Variants in MAP3K5 observed in about 807,000 individuals in gnomAD.
The protein encoded by MAP3K5 is ASK-1.
MAP3K5 carries 56 observed loss-of-function variants against 158.7 expected under a neutral mutation model. The ratio of observed to expected loss-of-function variants is 0.35; its 90% CI spans 0.28 to 0.44. The LOEUF (loss-of-function observed/expected upper bound fraction) is 0.44. MAP3K5 is among the 20% of genes least tolerant of loss of function. MAP3K5 has a pLI of 1.00. For synonymous variants in MAP3K5, 579 were observed against 601.7 expected (o/e 0.96, Z 0.55); for missense variants, 1,294 against 1,674.8 (o/e 0.77, Z 3.97).
intron 13 of MAP3K5, 107 bp downstream of exon 13, chr6:136,639,436 T>C (rs1048370778): frequency 1.6e-5 from 9 of 554,724 alleles, no homozygotes; most frequent in Non-Finnish European, 2.2e-5. Flanking sequence ...AATATTTATA[T>C]AACCACATAG....
intron 26 of MAP3K5, among the ~76,000 whole-genome samples, chr6:136,567,313 A>G (rs1562510442): frequency 6.6e-6 from 1 of 152,172 alleles, no homozygotes; most frequent in East Asian, 1.9e-4. Flanking sequence ...CTTTTCAGCT[A>G]TCTACTGGAA....
rs1017316277 is a variant in MAP3K5, at chr6:136,660,424, G to GA, written c.1367-1047dup. On this transcript the variant is annotated intron_variant, in intron 8 of 29. Transcript: ENST00000359015. ...TAAAATCTAAAAAAAAGAAAAAACA[G>GA]AAAAAAAAAGGAACTAGACTGACAG... is the stretch of plus-strand genomic sequence containing the variant. Among the ~76,000 whole-genome samples the GA allele has an allele frequency of 2.7e-5, 4 of 149,822 alleles. No individual in the cohort carries two copies. The East Asian group carries it at 5.9e-4, about 22-fold the overall frequency.
chr6:136,676,365 T>G (rs1779702399), intron 7 of MAP3K5, among the ~76,000 whole-genome samples: 1 of 152,206 alleles, frequency 6.6e-6, no homozygotes, highest in African/African-American at 2.4e-5. Flanking sequence ...TGATCTAAAC[T>G]CTGATCTTGA....
chr6:136,615,509 C>T (rs766091741), intron 15 of MAP3K5, among the ~76,000 whole-genome samples: 4 of 152,098 alleles, frequency 2.6e-5, no homozygotes, highest in Non-Finnish European at 4.4e-5. Flanking sequence ...CCTGATTTTT[C>T]AGAAGGTCAG....
intron 23 of MAP3K5, among the ~76,000 whole-genome samples, chr6:136,588,524 T>G (rs1397869241): frequency 6.6e-6 from 1 of 152,240 alleles, no homozygotes; most frequent in Admixed American, 6.5e-5. Flanking sequence ...TTTTTCTTCT[T>G]CTGCTAGAAT....
At chr6:136,641,183 T>C (rs1777913633) in intron 12 of MAP3K5, among the ~76,000 whole-genome samples, 2 of 152,208 alleles carry the variant, frequency 1.3e-5, no homozygotes, top group South Asian at 4.1e-4. Context: ...CTGAAAGATA[T>C]ATAATGAGTC....
chr6:136,780,923 G>A (rs1237601192), intron 1 of MAP3K5, among the ~76,000 whole-genome samples: 2 of 152,056 alleles, frequency 1.3e-5, no homozygotes, highest in African/African-American at 4.8e-5. Flanking sequence ...ACAGATACAC[G>A]TTATACATCT....
intron 7 of MAP3K5, among the ~76,000 whole-genome samples, chr6:136,691,541 G>A (rs147126545): frequency 0.011 from 1,623 of 151,644 alleles, 26 homozygotes; most frequent in African/African-American, 0.038. Context: ...AACCCCGGAG[G>A]CAGAGGTTGC....
At chr6:136,594,984 A>G (rs1775559411) in intron 21 of MAP3K5, among the ~76,000 whole-genome samples, 1 of 152,202 alleles carries the variant, frequency 6.6e-6, no homozygotes, top group South Asian at 2.1e-4. Flanking sequence ...GCCTAAAAGG[A>G]GGCCTAATGA....
At chr6:136,643,026 G>A (rs780153711) in intron 11 of MAP3K5, among the ~76,000 whole-genome samples, 6 of 152,092 alleles carry the variant, frequency 3.9e-5, no homozygotes, top group Middle Eastern at 6.8e-3. Flanking sequence ...CTAAATAGGC[G>A]GTTCTATTTC....
chr6:136,696,111 A>C, intron 5 of MAP3K5, 54 bp from the exon 6 acceptor site: 6 of 1,027,372 alleles, frequency 5.8e-6, no homozygotes, highest in Non-Finnish European at 8.9e-6. Flanking sequence ...GAAAATTCTC[A>C]CAATAACGTG....
chr6:136,661,823 G>GT (rs1471414509), intron 8 of MAP3K5, among the ~76,000 whole-genome samples: 7 of 152,180 alleles, frequency 4.6e-5, no homozygotes, highest in African/African-American at 1.7e-4. Flanking sequence ...TTACAGGCAT[G>GT]AACCACCATA....
intron 1 of MAP3K5, among the ~76,000 whole-genome samples, chr6:136,776,183 C>T (rs1051353821): frequency 5.3e-5 from 8 of 152,286 alleles, no homozygotes; most frequent in Non-Finnish European, 4.4e-5. Context: ...ATACACGATT[C>T]GTCTAAAGTA....
chr6:136,586,924 T>C (rs1167062760), intron 23 of MAP3K5, among the ~76,000 whole-genome samples: 1 of 152,236 alleles, frequency 6.6e-6, no homozygotes, highest in East Asian at 1.9e-4. Flanking sequence ...TCTTCAGTTT[T>C]GGAACTCAGA....
At chr6:136,709,904 C>G (rs1436859607) in intron 2 of MAP3K5, among the ~76,000 whole-genome samples, 4 of 152,112 alleles carry the variant, frequency 2.6e-5, no homozygotes, top group Non-Finnish European at 5.9e-5. Context: ...TGCACTCCAG[C>G]CTGGGTGACA....
chr6:136,666,514 C>T (rs941515821), intron 8 of MAP3K5, among the ~76,000 whole-genome samples: 2 of 152,090 alleles, frequency 1.3e-5, no homozygotes, highest in African/African-American at 4.8e-5. Context: ...ACTGGAAAAG[C>T]TGATTGGAGC....
intron 7 of MAP3K5, among the ~76,000 whole-genome samples, chr6:136,693,753 G>T (rs887424831): frequency 6.6e-6 from 1 of 152,162 alleles, no homozygotes; most frequent in Admixed American, 6.5e-5. Context: ...ACTTGAGGAG[G>T]CAGAGGCAGT....
intron 1 of MAP3K5, among the ~76,000 whole-genome samples, chr6:136,738,632 A>T (rs1401430165): frequency 6.6e-6 from 1 of 152,212 alleles, no homozygotes; most frequent in Non-Finnish European, 1.5e-5. Flanking sequence ...TAGCAAAATT[A>T]TTCATTTCAA....
chr6:136,652,767 C>A (rs1004570537), intron 10 of MAP3K5, among the ~76,000 whole-genome samples: 1 of 152,136 alleles, frequency 6.6e-6, no homozygotes, highest in Non-Finnish European at 1.5e-5. Context: ...AACTATGTGT[C>A]CCTAACTTGA....
Sources: gnomAD v4.1 joint callset for allele counts (sites outside exome capture counted in the v4.1 genomes callset) on GRCh38, gnomAD v4.1.1 for gene constraint, MANE v1.5 for transcripts, NCBI Gene and HGNC (gene_info 2026-07-23, HGNC 2026-07-21) for gene names.